Variants in NMT2 observed in about 807,000 individuals in gnomAD.
The protein encoded by NMT2 is N-myristoyltransferase 2.
NMT2 carries 35 observed loss-of-function variants against 65.4 expected under a neutral mutation model. The ratio of observed to expected loss-of-function variants is 0.54; its 90% CI spans 0.41 to 0.71. The LOEUF (loss-of-function observed/expected upper bound fraction) is 0.71, where lower values mean the gene tolerates loss of function less well. Ranked by LOEUF, NMT2 falls within the 30% of genes least tolerant of loss-of-function variation. NMT2 has a pLI of 0.00. For synonymous variants in NMT2, 226 were observed against 231.8 expected (o/e 0.98, Z 0.23); for missense variants, 489 against 611.3 (o/e 0.80, Z 2.11).
At position 15,107,663 on chromosome 10, in the gene NMT2, C is replaced by A. The variant is rs552572721; in HGVS notation, c.*1532G>T. On this transcript the variant is annotated 3_prime_UTR_variant, in exon 12 of 12. Transcript: ENST00000378165. ...AGAGATGGGGTTTCACCATGTTGGC[C>A]AGGCTGGTCTCGAACCCCTGACCTC... 2 of 596,346 alleles carry A rather than the reference C, an allele frequency of 3.4e-6. No homozygotes were observed. 36.9% of individuals were successfully genotyped at this position (596,346 alleles called of 1,614,324 possible). A position where few individuals can be genotyped will look rare whatever the true frequency, so the allele number is the denominator to read the frequency against.
At chr10:15,162,437 G>A (rs79858949) in intron 1 of NMT2, among the ~76,000 whole-genome samples, 2,510 of 152,166 alleles carry the variant, frequency 0.016, 28 homozygotes, top group Non-Finnish European at 0.022. Context: ...CTAGTCACAT[G>A]GAGCTATTTA....
chr10:15,161,081 C>CAAAAAAAAAAA (rs750859200), intron 1 of NMT2, among the ~76,000 whole-genome samples: 292 of 19,262 alleles, frequency 0.015, 9 homozygotes, highest in East Asian at 0.023. Flanking sequence ...CCTCAAAAAT[C>CAAAAAAAAAAA]AAAAAAAAAA....
rs58031354 is a variant in NMT2 at position 15,107,657 on chromosome 10, G to A, written c.*1538C>T. On this transcript the variant is annotated 3_prime_UTR_variant, in exon 12 of 12. Coordinates refer to ENST00000378165, the MANE Select transcript of NMT2 (RefSeq NM_004808.3). ...TTTAGTAGAGATGGGGTTTCACCATGTTGGCCAGGCTGGTCTCGAACCCCT... is the reference window on the plus strand; with the variant it reads ...TTTAGTAGAGATGGGGTTTCACCATATTGGCCAGGCTGGTCTCGAACCCCT... 0.011 allele frequency: 6,080 copies of A among 564,282 alleles called. 317 individuals are homozygous for A. The African/African-American group carries it at 0.11, about 11-fold the overall frequency. 35.0% of individuals were successfully genotyped at this position (564,282 alleles called of 1,614,324 possible). A position where few individuals can be genotyped will look rare whatever the true frequency, so the allele number is the denominator to read the frequency against.
intron 1 of NMT2, 190 bp downstream of exon 1, chr10:15,168,313 T>A: frequency 3.8e-5 from 7 of 183,408 alleles, no homozygotes; most frequent in East Asian, 2.6e-4. Flanking sequence ...GGGCCTCGCC[T>A]CCCCGCGCAC....
chr10:15,152,068 G>A (rs189650642), intron 1 of NMT2, among the ~76,000 whole-genome samples: 16 of 152,264 alleles, frequency 1.1e-4, no homozygotes, highest in Non-Finnish European at 1.9e-4. Flanking sequence ...ATACTCAAAC[G>A]TAGAAATGAG....
chr10:15,154,871 G>T, intron 1 of NMT2: 1 of 804,688 alleles, frequency 1.2e-6, no homozygotes, highest in Non-Finnish European at 2.2e-6. Flanking sequence ...AGCGCTTCAT[G>T]GCCTCCACAA....
intron 10 of NMT2, 121 bp from the exon 11 acceptor site, chr10:15,109,960 C>G: frequency 1.3e-6 from 1 of 780,628 alleles, no homozygotes; most frequent in Non-Finnish European, 2.0e-6. Flanking sequence ...ATTTAACGTC[C>G]GTGATATATA....
At chr10:15,140,017 C>T (rs554549520) in intron 2 of NMT2, among the ~76,000 whole-genome samples, 6 of 151,130 alleles carry the variant, frequency 4.0e-5, no homozygotes, top group Non-Finnish European at 8.8e-5. Flanking sequence ...GAAGGAAGTG[C>T]AGTACCCAGG....
chr10:15,126,443 AAAG>A (rs1846077247), intron 8 of NMT2, among the ~76,000 whole-genome samples: 1 of 151,782 alleles, frequency 6.6e-6, no homozygotes, highest in Non-Finnish European at 1.5e-5. Flanking sequence ...AAAAAAAAAA[AAAG>A]AAATGGCAAT....
chr10:15,139,398 C>T lies in NMT2; in HGVS notation c.246+2024G>A, dbSNP rs148577672. On this transcript the variant is annotated intron_variant, in intron 2 of 11. Transcript: ENST00000378165. ...CCACTGCCTGGCTTGGCTCTAGTTTCTCATAAGTGACCAGAGAGAGGGGAA... is the reference window on the plus strand; with the variant it reads ...CCACTGCCTGGCTTGGCTCTAGTTTTTCATAAGTGACCAGAGAGAGGGGAA... 5.7e-3 allele frequency among the ~76,000 whole-genome samples: 860 copies of T among 152,180 alleles called. 7 individuals are homozygous for T. The highest frequency in any genetic ancestry group is 0.02 in the Middle Eastern group (6 of 294).
chr10:15,136,866 T>A (rs1846530666), intron 2 of NMT2, among the ~76,000 whole-genome samples: 1 of 150,892 alleles, frequency 6.6e-6, no homozygotes, highest in Non-Finnish European at 1.5e-5. Flanking sequence ...AACGTAATAA[T>A]ACATGGAACA....
rs760211264 is a variant in NMT2, at chr10:15,168,590, G to A, written c.23C>T (p.Ala8Val). The A allele has an allele frequency of 2.5e-6, 4 of 1,586,098 alleles. No homozygotes were observed. The highest frequency in any genetic ancestry group is 1.4e-5 in the African/African-American group (1 of 72,112). Residue 8 changes from alanine (A) to valine (V), a missense_variant, in exon 1 of 12, where the codon GCG (alanine) becomes GTG (valine). Transcript: ENST00000378165. MAEDSES[A>V]ASQQSLELDD... ...CAGTTCCAGGCTCTGCTGGCTGGCC[G>A]CAGACTCGCTGTCCTCCGCCATCGC...
intron 2 of NMT2, among the ~76,000 whole-genome samples, chr10:15,136,476 GAGGAAGGAAGGACAGATGGA>G (rs1234148285): frequency 4.6e-5 from 7 of 151,052 alleles, no homozygotes; most frequent in Non-Finnish European, 3.0e-5. Flanking sequence ...GGGAGGAAAG[GAGGAAGGAAGGACAGATGGA>G]AGGAAGGAAG....
At chr10:15,147,786 A>G (rs1847016418) in intron 1 of NMT2, among the ~76,000 whole-genome samples, 1 of 152,224 alleles carries the variant, frequency 6.6e-6, no homozygotes, top group African/African-American at 2.4e-5. Context: ...ACATCTGTCA[A>G]ATGAGTAAGT....
chr10:15,133,393 A>C, intron 3 of NMT2, 30 bp from the exon 4 acceptor site: 2 of 1,524,254 alleles, frequency 1.3e-6, no homozygotes, highest in South Asian at 2.2e-5. Context: ...GAAAAAAGAA[A>C]GGCAAAAAGC....
At chr10:15,154,735 G>A (rs1832929837) in intron 1 of NMT2, 1 of 580,952 alleles carries the variant, frequency 1.7e-6, no homozygotes, top group East Asian at 3.7e-5. Flanking sequence ...ATGGGGTGGA[G>A]GGTGTTCTTC....
chr10:15,149,960 C>T (rs1036676324), intron 1 of NMT2, among the ~76,000 whole-genome samples: 5 of 152,218 alleles, frequency 3.3e-5, no homozygotes, highest in Admixed American at 1.3e-4. Context: ...TGCCTAATTG[C>T]GATCTTTGGA....
At chr10:15,161,426 A>T (rs1833194592) in intron 1 of NMT2, among the ~76,000 whole-genome samples, 1 of 152,076 alleles carries the variant, frequency 6.6e-6, no homozygotes, top group African/African-American at 2.4e-5. Flanking sequence ...ATCTCGACTC[A>T]CTGCAACCTC....
chr10:15,156,352 T>G (rs1044141735), intron 1 of NMT2, among the ~76,000 whole-genome samples: 8 of 152,228 alleles, frequency 5.3e-5, no homozygotes, highest in African/African-American at 1.9e-4. Context: ...TGTGTTTGCT[T>G]CCCCTTCTGC....
Sources: allele counts gnomAD v4.1 joint callset (sites outside exome capture counted in the v4.1 genomes callset), GRCh38; gene constraint gnomAD v4.1.1; transcripts MANE v1.5; gene names NCBI Gene and HGNC (gene_info 2026-07-23, HGNC 2026-07-21).